Variants in TDP2 observed in about 807,000 individuals in gnomAD.
TDP2 encodes tyrosyl-DNA phosphodiesterase 2.
A neutral mutation model predicts 42.8 loss-of-function variants in TDP2; 38 were observed. The ratio of observed to expected loss-of-function variants is 0.89; its 90% CI spans 0.68 to 1.16. The LOEUF (loss-of-function observed/expected upper bound fraction) is 1.16. Among genes scored for constraint, TDP2 ranks in the 50% most tolerant of loss-of-function variants. The pLI is 0.00. For missense variants in TDP2, 439 were observed against 439.3 expected (o/e 1.00, Z 0.01); for synonymous variants, 173 against 150.6 (o/e 1.15, Z -1.09).
In TDP2 at chr6:24,650,892, T is replaced by C. The variant is rs1244337335; in HGVS notation, c.985A>G (p.Ile329Val). The C allele has an allele frequency of 3.1e-6, 5 of 1,614,142 alleles. No individual in the cohort carries two copies. The highest frequency in any genetic ancestry group is 1.1e-5 in the South Asian group (1 of 91,086). The change falls in exon 7 of 7, where the codon ATT (isoleucine) becomes GTT (valine). Residue 329 changes from isoleucine to valine, a missense_variant. Physicochemically the swap from Ile to Val is conservative, Grantham distance 29. Transcript: ENST00000378198. The stretch of plus-strand genomic sequence containing the variant: ...AGAAGGTCCAAACTTCGGGGAATAA[T>C]GTGTCCCTCTTCTGCTGCTGCTCTG... ...FFRAAAEEGH[I>V]IPRSLDLLGL...
chr6:24,652,544 A>C (rs1211682858), intron 6 of TDP2, among the ~76,000 whole-genome samples: 1 of 152,188 alleles, frequency 6.6e-6, no homozygotes, highest in Non-Finnish European at 1.5e-5. Flanking sequence ...AGTGGGTAAA[A>C]AAGGCTAATA....
chr6:24,664,666 T>C (rs1273725617), intron 2 of TDP2, among the ~76,000 whole-genome samples: 1 of 151,562 alleles, frequency 6.6e-6, no homozygotes, highest in African/African-American at 2.4e-5. Flanking sequence ...TTCCAATCAA[T>C]TTTTTTTTCC....
chr6:24,654,390 T>C (rs1213307506), intron 5 of TDP2, 22 bp downstream of exon 5: 1 of 1,149,660 alleles, frequency 8.7e-7, no homozygotes, highest in Non-Finnish European at 1.3e-6. Context: ...TATAAAACAC[T>C]CAATTTTTAA....
At chr6:24,662,612 A>G (rs1778169487) in intron 2 of TDP2, among the ~76,000 whole-genome samples, 1 of 152,062 alleles carries the variant, frequency 6.6e-6, no homozygotes, top group South Asian at 2.1e-4. Flanking sequence ...GATAGTGATC[A>G]ATAAATACTG....
At position 24,654,031 on chromosome 6, in the gene TDP2, T is replaced by C. The variant is rs531735368; in HGVS notation, c.636+381A>G. 2.0e-5 allele frequency among the ~76,000 whole-genome samples: 3 copies of C among 152,370 alleles called. No individual in the cohort carries two copies. The South Asian group carries it at 6.2e-4, about 32-fold the overall frequency. The stretch of plus-strand genomic sequence containing the variant: ...TCCTGTGGCACTTATGCCTTTCTTA[T>C]GTTTTAGTTACTATATACACACTCT... On this transcript the variant is annotated intron_variant, in intron 5 of 6. Coordinates refer to ENST00000378198, the MANE Select transcript of TDP2 (RefSeq NM_016614.3).
intron 2 of TDP2, chr6:24,665,944 G>GA (rs1414244398): frequency 2.5e-6 from 2 of 795,346 alleles, no homozygotes; most frequent in Non-Finnish European, 3.5e-6. Flanking sequence ...TGACCCGTTG[G>GA]AAAAAAGTAA....
chr6:24,659,318 TCTG>T (rs1778104812), intron 2 of TDP2: 1 of 152,326 alleles, frequency 6.6e-6, no homozygotes, highest in Non-Finnish European at 1.5e-5. Context: ...AAATTTTTTT[TCTG>T]CTGCAACCTT....
Position 24,666,416 on chromosome 6 carries a change from T to C in TDP2, c.251+110A>G, listed in dbSNP as rs1778237255. 2.1e-6 allele frequency: 3 copies of C among 1,439,100 alleles called. No homozygotes were observed. The South Asian group carries it at 3.5e-5, about 17-fold the overall frequency. 89.1% of individuals were successfully genotyped at this position (1,439,100 alleles called of 1,614,324 possible). A position where few individuals can be genotyped will look rare whatever the true frequency, so the allele number is the denominator to read the frequency against. On this transcript the variant is annotated intron_variant, in intron 2 of 6. Coordinates refer to ENST00000378198, the MANE Select transcript of TDP2 (RefSeq NM_016614.3). ...CTCCTCTGGCTACGCAGCTTGGAGA[T>C]CTGCCTCAGCATCGTCCGCCCAGCT...
intron 2 of TDP2, among the ~76,000 whole-genome samples, chr6:24,662,227 C>T (rs1049968227): frequency 6.6e-6 from 1 of 151,786 alleles, no homozygotes; most frequent in Non-Finnish European, 1.5e-5. Context: ...TCCCCCAGCC[C>T]GACACCCAAA....
intron 6 of TDP2, among the ~76,000 whole-genome samples, chr6:24,651,293 CATAA>C (rs762408294): frequency 3.3e-5 from 5 of 152,094 alleles, no homozygotes; most frequent in Non-Finnish European, 7.4e-5. Context: ...TCTCTTCTGC[CATAA>C]ATAGGTTCCT....
In TDP2 at chr6:24,655,620, A is replaced by AT. The variant is rs1323390412; in HGVS notation, c.518-1091_518-1090insA. Among the ~76,000 whole-genome samples the AT allele has an allele frequency of 8.5e-5, 13 of 152,288 alleles. No individual in the cohort carries two copies. In the East Asian group the frequency reaches 2.1e-3, roughly 25 times the overall value. ...TAGAACTAAATTTTAGAGGCTCCAGAGTCACCAGCCACAGGGAGGGGCATG... is the reference window on the plus strand; with the variant it reads ...TAGAACTAAATTTTAGAGGCTCCAGATGTCACCAGCCACAGGGAGGGGCATG... On this transcript the variant is annotated intron_variant, in intron 4 of 6. Transcript: ENST00000378198.
At position 24,650,634 on chromosome 6, in the gene TDP2, T is replaced by C; in HGVS notation, c.*154A>G. 1.4e-6 allele frequency: 1 copy of C among 725,202 alleles called. No individual in the cohort carries two copies. Among genetic ancestry groups the C allele is most frequent in the Non-Finnish European group, 2.2e-6 (1 of 450,812 alleles). The allele number at this position is 725,202 out of a possible 1,614,324, so 44.9% of individuals were successfully genotyped here. A position where few individuals can be genotyped will look rare whatever the true frequency, so the allele number is the denominator to read the frequency against. On this transcript the variant is annotated 3_prime_UTR_variant, in exon 7 of 7. Transcript: ENST00000378198. The stretch of plus-strand genomic sequence containing the variant: ...GTTCGTTTAAATAAACATTAATCTT[T>C]AATGTTGAATTCTGAAAACACAACC...
chr6:24,653,174 A>C, intron 5 of TDP2, 21 bp from the exon 6 acceptor site: 1 of 1,611,958 alleles, frequency 6.2e-7, no homozygotes. Context: ...ACAAACAGTC[A>C]TTAAAACTGT....
In TDP2 at chr6:24,650,613, G is replaced by A. The variant is rs771047862; in HGVS notation, c.*175C>T. 3.6e-5 allele frequency: 24 copies of A among 666,726 alleles called. No individual in the cohort carries two copies. Among genetic ancestry groups the A allele is most frequent in the African/African-American group, 1.3e-4 (7 of 54,824 alleles). 41.3% of individuals were successfully genotyped at this position (666,726 alleles called of 1,614,324 possible). A position where few individuals can be genotyped will look rare whatever the true frequency, so the allele number is the denominator to read the frequency against. ...ACATCCTGAATGCAGGAATGTGTTCGTTTAAATAAACATTAATCTTTAATG... is the reference window on the plus strand; with the variant it reads ...ACATCCTGAATGCAGGAATGTGTTCATTTAAATAAACATTAATCTTTAATG... On this transcript the variant is annotated 3_prime_UTR_variant, in exon 7 of 7. Coordinates refer to ENST00000378198, the MANE Select transcript of TDP2 (RefSeq NM_016614.3).
In TDP2 at chr6:24,665,104, T is replaced by A. The variant is rs1582426533; in HGVS notation, c.251+1422A>T. On this transcript the variant is annotated intron_variant, in intron 2 of 6. Transcript: ENST00000378198. ...AGCCTGGTACAGAAATACAGCCATG[T>A]TTAAGGAAGGGCAGTTAAGGGCTTT... 2.0e-5 allele frequency among the ~76,000 whole-genome samples: 3 copies of A among 152,176 alleles called. No homozygotes were observed. In the East Asian group the frequency reaches 5.8e-4, roughly 29 times the overall value.
intron 4 of TDP2, among the ~76,000 whole-genome samples, chr6:24,656,208 T>C (rs939823375): frequency 6.6e-6 from 1 of 152,140 alleles, no homozygotes; most frequent in Admixed American, 6.5e-5. Flanking sequence ...ATTCAGTGAA[T>C]AGGAGGCCTA....
At position 24,666,614 on chromosome 6, in the gene TDP2, G is replaced by A. The variant is rs755450845; in HGVS notation, c.166-3C>T. On this transcript the variant is annotated splice_polypyrimidine_tract_variant and splice_region_variant and intron_variant, in intron 1 of 6. Transcript: ENST00000378198. ...TCGAAGTAGGAGTTCAGAGCCCTCTGAAAAACAAAGGCACAAGGGATGAGG... is the reference window on the plus strand; with the variant it reads ...TCGAAGTAGGAGTTCAGAGCCCTCTAAAAAACAAAGGCACAAGGGATGAGG... 1.2e-6 allele frequency: 2 copies of A among 1,614,232 alleles called. No individual in the cohort carries two copies. Among genetic ancestry groups the A allele is most frequent in the Non-Finnish European group, 1.7e-6 (2 of 1,180,044 alleles).
At chr6:24,658,788 G>C in intron 2 of TDP2, 54 bp from the exon 3 acceptor site, 4 of 1,530,912 alleles carry the variant, frequency 2.6e-6, no homozygotes, top group East Asian at 2.3e-5. Flanking sequence ...AATTGATTAA[G>C]AATTATTTTG....
At chr6:24,653,213 AAT>A (rs1778002001) in intron 5 of TDP2, 60 bp from the exon 6 acceptor site, 1 of 1,530,166 alleles carries the variant, frequency 6.5e-7, no homozygotes, top group African/African-American at 1.4e-5. Context: ...GAACTTTAAT[AAT>A]AAAATCAGCA....
Sources: allele counts gnomAD v4.1 joint callset (sites outside exome capture counted in the v4.1 genomes callset), GRCh38; gene constraint gnomAD v4.1.1; transcripts MANE v1.5; gene names NCBI Gene and HGNC (gene_info 2026-07-23, HGNC 2026-07-21).